Variants in TMTC1 observed in about 807,000 individuals in gnomAD.
TMTC1 encodes protein O-mannosyl-transferase TMTC1.
Under a neutral mutation model 104.8 loss-of-function variants are expected in TMTC1, and 73 were observed. The observed-to-expected ratio is 0.70, with a 90% CI of 0.58 to 0.85. The LOEUF is 0.85. Among genes scored for constraint, TMTC1 ranks in the 40% least tolerant of loss-of-function variants. The probability of loss-of-function intolerance (pLI) is 0.00; values close to 1 mark genes in which losing one functional copy is unlikely to be tolerated. For synonymous variants in TMTC1, 434 were observed against 428.7 expected (o/e 1.01, Z -0.15); for missense variants, 1,035 against 1,096.1 (o/e 0.94, Z 0.79).
chr12:29,590,982 C>T lies in TMTC1; in HGVS notation c.1251-7408G>A, dbSNP rs148668753. Among the ~76,000 whole-genome samples the T allele has an allele frequency of 5.1e-3, 779 of 152,164 alleles. 12 individuals are homozygous for T. The highest frequency in any genetic ancestry group is 0.034 in the South Asian group (162 of 4,812). Reference sequence around the variant, plus strand: ...TTAGGTTGACAATAGTTTGTGGATCCCTGCTATAACCAGAATGAAGGAGAA... The same window carrying T: ...TTAGGTTGACAATAGTTTGTGGATCTCTGCTATAACCAGAATGAAGGAGAA... On this transcript the variant is annotated intron_variant, in intron 7 of 17. Coordinates refer to ENST00000539277, the MANE Select transcript of TMTC1 (RefSeq NM_001193451.2).
At position 29,514,171 on chromosome 12, in the gene TMTC1, A is replaced by C. The variant is rs1234701040; in HGVS notation, c.2430+311T>G. On this transcript the variant is annotated intron_variant, in intron 16 of 17. Transcript: ENST00000539277. ...CTTTTCAGGTACTAGTCCAGCTGGA[A>C]TAGAAGGTCTTGCAGGCAGAGACAC... is the stretch of plus-strand genomic sequence containing the variant. Among the ~76,000 whole-genome samples, 3 of 152,184 alleles carry C rather than the reference A, an allele frequency of 2.0e-5. No homozygotes were observed. In the East Asian group the frequency reaches 5.8e-4, roughly 29 times the overall value.
chr12:29,742,322 T>C (rs904703485), intron 5 of TMTC1, among the ~76,000 whole-genome samples: 1 of 152,314 alleles, frequency 6.6e-6, no homozygotes, highest in Non-Finnish European at 1.5e-5. Flanking sequence ...TAAAAGTCTA[T>C]ACTTATGTTT....
chr12:29,666,263 T>C (rs1402607003), intron 5 of TMTC1: 5 of 401,178 alleles, frequency 1.2e-5, no homozygotes, highest in Admixed American at 6.3e-5. Context: ...AGTCTCGCTC[T>C]GTCACCCAGG....
At chr12:29,522,397 A>G (rs996481354) in intron 11 of TMTC1, among the ~76,000 whole-genome samples, 1 of 152,228 alleles carries the variant, frequency 6.6e-6, no homozygotes, top group South Asian at 2.1e-4. Flanking sequence ...TCCAGCAAAA[A>G]TAAGGATCCA....
chr12:29,740,562 A>T (rs1942799067), intron 5 of TMTC1, among the ~76,000 whole-genome samples: 2 of 152,142 alleles, frequency 1.3e-5, no homozygotes, highest in Admixed American at 6.5e-5. Flanking sequence ...GGACCTTGTG[A>T]TCATGTAAGT....
intron 5 of TMTC1, among the ~76,000 whole-genome samples, chr12:29,670,238 AAG>A (rs1940454531): frequency 6.6e-6 from 1 of 152,220 alleles, no homozygotes; most frequent in African/African-American, 2.4e-5. Flanking sequence ...GCTAGTGAAA[AAG>A]AGTATTTGAT....
chr12:29,527,413 T>C (rs906180938), intron 11 of TMTC1, among the ~76,000 whole-genome samples: 2 of 152,174 alleles, frequency 1.3e-5, no homozygotes, highest in Non-Finnish European at 2.9e-5. Context: ...GGCAATAATG[T>C]AGCTGTGGGA....
intron 17 of TMTC1, among the ~76,000 whole-genome samples, chr12:29,507,686 G>T (rs1177845112): frequency 6.6e-6 from 1 of 152,130 alleles, no homozygotes; most frequent in Non-Finnish European, 1.5e-5. Context: ...TCTTCAACTA[G>T]CAACCATGTG....
At chr12:29,556,055 T>TTA in intron 10 of TMTC1, among the ~76,000 whole-genome samples, 1 of 151,998 alleles carries the variant, frequency 6.6e-6, no homozygotes, top group South Asian at 2.1e-4. Flanking sequence ...TGTTAACCTT[T>TTA]TTTTTTTAAG....
intron 2 of TMTC1, among the ~76,000 whole-genome samples, chr12:29,760,920 ATATT>A (rs1373581450): frequency 6.8e-5 from 10 of 147,904 alleles, no homozygotes; most frequent in East Asian, 2.0e-4. Flanking sequence ...TATATTTTCT[ATATT>A]TATTATTCAT....
At chr12:29,665,767 C>T (rs1025413801) in intron 5 of TMTC1, among the ~76,000 whole-genome samples, 2 of 152,136 alleles carry the variant, frequency 1.3e-5, no homozygotes, top group African/African-American at 2.4e-5. Context: ...CCAGAAACCC[C>T]CACCATCAGA....
At chr12:29,608,700 G>C (rs1189154376) in intron 6 of TMTC1, among the ~76,000 whole-genome samples, 1 of 152,130 alleles carries the variant, frequency 6.6e-6, no homozygotes, top group East Asian at 1.9e-4. Context: ...ATCCCCCTGA[G>C]CTGCAAAGAG....
intron 5 of TMTC1, among the ~76,000 whole-genome samples, chr12:29,635,644 A>G (rs771601273): frequency 5.3e-5 from 8 of 152,192 alleles, no homozygotes; most frequent in Non-Finnish European, 1.2e-4. Context: ...TGTCCTCCTG[A>G]TGGAAATAAA....
chr12:29,757,479 C>T (rs1943242087), intron 3 of TMTC1, among the ~76,000 whole-genome samples: 2 of 152,164 alleles, frequency 1.3e-5, no homozygotes, highest in Non-Finnish European at 2.9e-5. Flanking sequence ...GGAGGAAAAT[C>T]ACCCCTAATT....
chr12:29,586,555 T>C (rs1364322838), intron 7 of TMTC1, among the ~76,000 whole-genome samples: 2 of 152,188 alleles, frequency 1.3e-5, no homozygotes, highest in Non-Finnish European at 1.5e-5. Context: ...CCATTCAGTA[T>C]GATATTGGCG....
At chr12:29,593,542 T>C (rs1414474537) in intron 7 of TMTC1, among the ~76,000 whole-genome samples, 4 of 152,230 alleles carry the variant, frequency 2.6e-5, no homozygotes, top group African/African-American at 4.8e-5. Context: ...ATCATTTTTA[T>C]AGAACAGATA....
chr12:29,511,495 C>G (rs299439), intron 17 of TMTC1, among the ~76,000 whole-genome samples: 5,481 of 152,130 alleles, frequency 0.036, 182 homozygotes, highest in East Asian at 0.17. Flanking sequence ...ATAATAGTCC[C>G]CCAAAGGTCA....
chr12:29,681,663 T>C (rs1404764981), intron 5 of TMTC1, among the ~76,000 whole-genome samples: 5 of 145,410 alleles, frequency 3.4e-5, no homozygotes, highest in Admixed American at 1.4e-4. Flanking sequence ...ACAAGGCCCC[T>C]CCCCCTCCCA....
chr12:29,709,915 T>C (rs1941852111), intron 5 of TMTC1, among the ~76,000 whole-genome samples: 1 of 152,170 alleles, frequency 6.6e-6, no homozygotes, highest in East Asian at 1.9e-4. Flanking sequence ...CCTAAAGTGC[T>C]TTCCAATCGC....
Sources: allele counts gnomAD v4.1 joint callset (sites outside exome capture counted in the v4.1 genomes callset), GRCh38; gene constraint gnomAD v4.1.1; transcripts MANE v1.5; gene names NCBI Gene and HGNC (gene_info 2026-07-23, HGNC 2026-07-21).